Variants in GMEB1 observed in about 807,000 individuals in gnomAD.
GMEB1 encodes the protein glucocorticoid modulatory element-binding protein 1.
Under a neutral mutation model 52.4 loss-of-function variants are expected in GMEB1, and 6 were observed. That is an observed-to-expected ratio of 0.11 (90% confidence interval 0.06 to 0.23). The LOEUF (loss-of-function observed/expected upper bound fraction) is 0.23, where lower values mean the gene tolerates loss of function less well. Among genes scored for constraint, GMEB1 ranks in the 10% least tolerant of loss-of-function variants. The probability of loss-of-function intolerance (pLI) is 1.00; values close to 1 mark genes in which losing one functional copy is unlikely to be tolerated. For synonymous variants in GMEB1, 255 were observed against 244.9 expected, an observed-to-expected ratio of 1.04 and a Z score of -0.38; for missense variants, 486 against 685.6, an observed-to-expected ratio of 0.71 and a Z score of 3.25.
chr1:28,716,545 A>AT lies in GMEB1; in HGVS notation c.*1775dup, dbSNP rs1429701002. 6.6e-6 allele frequency: 1 copy of AT among 152,066 alleles called. No individual in the cohort carries two copies. Among genetic ancestry groups the AT allele is most frequent in the East Asian group, 1.9e-4 (1 of 5,202 alleles). The allele number at this position is 152,066 out of a possible 1,614,324, so 9.4% of individuals were successfully genotyped here. A position where few individuals can be genotyped will look rare whatever the true frequency, so the allele number is the denominator to read the frequency against. On this transcript the variant is annotated 3_prime_UTR_variant, in exon 10 of 10. Coordinates refer to ENST00000373816, the MANE Select transcript of GMEB1 (RefSeq NM_001319674.2). ...CCTGCCTTCGTCCCCTTTTAGATTC[A>AT]TTTATACCACAGATGTTTCTGTGAG...
chr1:28,710,563 G>A lies in GMEB1; in HGVS notation c.912G>A (p.Met304Ile), dbSNP rs1671006285. The A allele has an allele frequency of 1.9e-6, 3 of 1,610,628 alleles. No homozygotes were observed. The highest frequency in any genetic ancestry group is 1.3e-5 in the African/African-American group (1 of 74,750). ...LNNVAHTFGL[M>I]DTVKKVLDNR... ...ATGTAGCACACACATTTGGCCTAATGGACACAGTCAAGAAGGTTTTAGACA... is the reference window on the plus strand; with the variant it reads ...ATGTAGCACACACATTTGGCCTAATAGACACAGTCAAGAAGGTTTTAGACA... Residue 304 changes from methionine (M) to isoleucine (I), a missense_variant, in exon 9 of 10, where the codon ATG (methionine) becomes ATA (isoleucine). Coordinates refer to ENST00000373816, the MANE Select transcript of GMEB1 (RefSeq NM_001319674.2).
intron 8 of GMEB1, among the ~76,000 whole-genome samples, chr1:28,706,827 G>T (rs1011721838): frequency 1.3e-5 from 2 of 150,950 alleles, no homozygotes; most frequent in Non-Finnish European, 3.0e-5. Flanking sequence ...ACCATGCCTG[G>T]CTAGGTTTTT....
chr1:28,677,040 C>T (rs989972693), intron 1 of GMEB1, among the ~76,000 whole-genome samples: 11 of 152,106 alleles, frequency 7.2e-5, no homozygotes, highest in Non-Finnish European at 1.0e-4. Flanking sequence ...GGTGAAAAAT[C>T]GAGACTTTGT....
At chr1:28,710,834 G>A (rs1265558246) in intron 9 of GMEB1, among the ~76,000 whole-genome samples, 192 bp downstream of exon 9, 1 of 151,310 alleles carries the variant, frequency 6.6e-6, no homozygotes, top group African/African-American at 2.4e-5. Flanking sequence ...GAAAAAAAAA[G>A]GAAGCTGCCA....
In GMEB1 at chr1:28,702,383, A is replaced by G. The variant is rs1670556634; in HGVS notation, c.599-55A>G. On this transcript the variant is annotated intron_variant, in intron 6 of 9. Transcript: ENST00000373816. The stretch of plus-strand genomic sequence containing the variant: ...AGCTATTGAGTATGAGATATAGGAT[A>G]GCTATAACTTTTTCGTTAAATTCAC... The G allele has an allele frequency of 4.8e-6, 7 of 1,472,470 alleles. No homozygotes were observed. The Admixed American group carries it at 1.0e-4, about 22-fold the overall frequency. 91.2% of individuals were successfully genotyped at this position (1,472,470 alleles called of 1,614,324 possible). A position where few individuals can be genotyped will look rare whatever the true frequency, so the allele number is the denominator to read the frequency against.
At chr1:28,705,051 C>T (rs933166626) in intron 8 of GMEB1, among the ~76,000 whole-genome samples, 15 of 149,518 alleles carry the variant, frequency 1.0e-4, no homozygotes, top group Middle Eastern at 3.4e-3. Flanking sequence ...GGACTCTACT[C>T]CAGCCTGGGT....
intron 5 of GMEB1, among the ~76,000 whole-genome samples, chr1:28,694,190 A>ATTTT (rs569803893): frequency 7.3e-6 from 1 of 136,808 alleles, no homozygotes; most frequent in East Asian, 2.1e-4. Context: ...GTGTTGTAGG[A>ATTTT]TTTTTTTTTT....
At chr1:28,710,728 C>T (rs1570439091) in intron 9 of GMEB1, 86 bp downstream of exon 9, 41 of 678,024 alleles carry the variant, frequency 6.0e-5, no homozygotes, top group Middle Eastern at 5.3e-4. Flanking sequence ...GTTGGGGTAA[C>T]TTTTTTTTTT....
In GMEB1 at chr1:28,719,189, A is replaced by C. The variant is rs1165947439; in HGVS notation, c.*4416A>C. Reference sequence around the variant, plus strand: ...CCTTCCTGCCATATGGTTTCCACGAAGGCCTGAGAGTCAGCTGTACAACTG... The same window carrying C: ...CCTTCCTGCCATATGGTTTCCACGACGGCCTGAGAGTCAGCTGTACAACTG... On this transcript the variant is annotated 3_prime_UTR_variant, in exon 10 of 10. Coordinates refer to ENST00000373816, the MANE Select transcript of GMEB1 (RefSeq NM_001319674.2). 6.6e-6 allele frequency: 1 copy of C among 152,298 alleles called. No homozygotes were observed. Among genetic ancestry groups the C allele is most frequent in the African/African-American group, 2.4e-5 (1 of 41,458 alleles). 9.4% of individuals were successfully genotyped at this position (152,298 alleles called of 1,614,324 possible). A position where few individuals can be genotyped will look rare whatever the true frequency, so the allele number is the denominator to read the frequency against.
chr1:28,687,479 A>T (rs556957492), intron 2 of GMEB1, among the ~76,000 whole-genome samples: 1 of 151,972 alleles, frequency 6.6e-6, no homozygotes, highest in South Asian at 2.1e-4. Flanking sequence ...AACCACAAAT[A>T]GTTTGGCAGT....
intron 6 of GMEB1, among the ~76,000 whole-genome samples, chr1:28,700,240 C>T (rs1670436725): frequency 1.3e-5 from 2 of 151,362 alleles, no homozygotes; most frequent in South Asian, 2.1e-4. Context: ...TGGCTGGGCG[C>T]GGTGGCTCAC....
At chr1:28,698,556 T>G (rs1670339187) in intron 6 of GMEB1, among the ~76,000 whole-genome samples, 2 of 150,822 alleles carry the variant, frequency 1.3e-5, no homozygotes, top group African/African-American at 4.9e-5. Context: ...GTGCCTGTAG[T>G]CCCAGCTACT....
At chr1:28,670,277 C>G (rs1053776372) in intron 1 of GMEB1, among the ~76,000 whole-genome samples, 41 of 152,158 alleles carry the variant, frequency 2.7e-4, no homozygotes, top group African/African-American at 5.1e-4. Context: ...CTCAGCCTCC[C>G]GAGTAGCTGG....
At chr1:28,689,882 T>G in intron 2 of GMEB1, 1 of 424,820 alleles carries the variant, frequency 2.4e-6, no homozygotes, top group South Asian at 4.7e-5. Context: ...TTACTTTCCT[T>G]TGAGGTGAGG....
At chr1:28,698,959 T>C (rs1670363351) in intron 6 of GMEB1, among the ~76,000 whole-genome samples, 2 of 151,964 alleles carry the variant, frequency 1.3e-5, no homozygotes, top group African/African-American at 4.8e-5. Context: ...CCAGCCTGGG[T>C]AACAGAGCAA....
rs994342576 is a variant in GMEB1 at position 28,702,334 on chromosome 1, A to G, written c.599-104A>G. 6.1e-6 allele frequency: 5 copies of G among 818,534 alleles called. No individual in the cohort carries two copies. The African/African-American group carries it at 8.7e-5, about 14-fold the overall frequency. The allele number at this position is 818,534 out of a possible 1,614,324, so 50.7% of individuals were successfully genotyped here. ...AGGGACCTGCAGCCAAGAGGCTAGA[A>G]TGTTAAAATAACAAGGTCTTTGTAG... On this transcript the variant is annotated intron_variant, in intron 6 of 9. Transcript: ENST00000373816.
At chr1:28,686,269 A>G (rs1248442235) in intron 2 of GMEB1, among the ~76,000 whole-genome samples, 1 of 151,902 alleles carries the variant, frequency 6.6e-6, no homozygotes, top group Non-Finnish European at 1.5e-5. Flanking sequence ...TGAGCCTAGG[A>G]GATTGAGGCT....
intron 8 of GMEB1, among the ~76,000 whole-genome samples, chr1:28,705,801 A>G (rs893136246): frequency 1.3e-5 from 2 of 151,714 alleles, no homozygotes; most frequent in African/African-American, 2.4e-5. Flanking sequence ...TGGTATGTCC[A>G]CTATGTGTAT....
chr1:28,702,382 T>C, intron 6 of GMEB1, 56 bp from the exon 7 acceptor site: 1 of 1,469,016 alleles, frequency 6.8e-7, no homozygotes, highest in South Asian at 1.2e-5. Context: ...AGATATAGGA[T>C]AGCTATAACT....
Sources: gnomAD v4.1 joint callset for allele counts (sites outside exome capture counted in the v4.1 genomes callset) on GRCh38, gnomAD v4.1.1 for gene constraint, MANE v1.5 for transcripts, NCBI Gene and HGNC (gene_info 2026-07-23, HGNC 2026-07-21) for gene names.